The following LRCH4 variants were observed in gnomAD, a reference collection of about 807,000 sequenced individuals.
The protein encoded by LRCH4 is leucine-rich repeat and calponin homology domain-containing protein 4.
LRCH4 carries 56 observed loss-of-function variants against 81.2 expected under a neutral mutation model. The ratio of observed to expected loss-of-function variants is 0.69; its 90% CI spans 0.56 to 0.86. The LOEUF is 0.86. Ranked by LOEUF, LRCH4 falls within the 40% of genes least tolerant of loss-of-function variation. The probability of loss-of-function intolerance (pLI) is 0.00; values close to 1 mark genes in which losing one functional copy is unlikely to be tolerated. For missense variants in LRCH4, 895 were observed against 922.8 expected, an observed-to-expected ratio of 0.97 and a Z score of 0.39; for synonymous variants, 442 against 409.7, an observed-to-expected ratio of 1.08 and a Z score of -0.95.
At position 100,574,956 on chromosome 7, in the gene LRCH4, C is replaced by G. The variant is rs1206409147; in HGVS notation, c.*151G>C. On this transcript the variant is annotated 3_prime_UTR_variant, in exon 18 of 18. Coordinates refer to ENST00000310300, the MANE Select transcript of LRCH4 (RefSeq NM_002319.5). The stretch of plus-strand genomic sequence containing the variant: ...GCTGGGGGCCCAGGGTCTGGGGGCA[C>G]CAGAGTGGGGCCTCTGAGGTCAGTG... The G allele has an allele frequency of 4.0e-6, 3 of 742,228 alleles. No individual in the cohort carries two copies. The highest frequency in any genetic ancestry group is 6.5e-6 in the Non-Finnish European group (3 of 461,978). 46.0% of individuals were successfully genotyped at this position (742,228 alleles called of 1,614,324 possible).
intron 14 of LRCH4, 162 bp downstream of exon 14, chr7:100,576,532 G>A (rs1382428800): frequency 1.4e-6 from 1 of 705,242 alleles, no homozygotes; most frequent in East Asian, 2.7e-5. Flanking sequence ...CTAAAGTGCT[G>A]CGATTACAGG....
intron 15 of LRCH4, 102 bp downstream of exon 15, chr7:100,576,136 G>A: frequency 1.4e-6 from 2 of 1,478,274 alleles, no homozygotes; most frequent in African/African-American, 1.4e-5. Context: ...GGAGGTGCCA[G>A]AGTGGGCACA....
chr7:100,577,525 C>A lies in LRCH4; in HGVS notation c.1150G>T (p.Gly384Trp). 6.2e-7 allele frequency: 1 copy of A among 1,610,348 alleles called. No homozygotes were observed. Residue 384 changes from glycine (G) to tryptophan (W), a missense_variant, in exon 10 of 18, where the codon GGG becomes TGG. Gly to Trp is a radical substitution (Grantham distance 184). Coordinates refer to ENST00000310300, the MANE Select transcript of LRCH4 (RefSeq NM_002319.5). This position sits in a 1 kb window ranked among gnomAD's most constrained non-coding sequence, Gnocchi z 6.7. The stretch of plus-strand genomic sequence containing the variant: ...CTGCTTGGTGCCCTCTCCCTGTCCC[C>A]TGCCCCAGGGCTTAATTCGGGTGGT... The part of the protein sequence containing the change: ...QRPPELSPGA[G>W]DRERAPSSRR...
At position 100,575,845 on chromosome 7, in the gene LRCH4, C is replaced by T. The variant is rs773348662; in HGVS notation, c.1776+26G>A. 1 of 1,610,858 alleles carries T rather than the reference C, an allele frequency of 6.2e-7. No individual in the cohort carries two copies. The highest frequency in any genetic ancestry group is 8.5e-7 in the Non-Finnish European group (1 of 1,177,650). On this transcript the variant is annotated intron_variant, in intron 16 of 17. Coordinates refer to ENST00000310300, the MANE Select transcript of LRCH4 (RefSeq NM_002319.5). This position sits in a 1 kb window ranked among gnomAD's most constrained non-coding sequence, Gnocchi z 5.3. ...GGCCACAGGCGCCCCGGCCCATCCCCCACCTCTTCCCCAGCCCCAACTGAC... is the reference window on the plus strand; with the variant it reads ...GGCCACAGGCGCCCCGGCCCATCCCTCACCTCTTCCCCAGCCCCAACTGAC...
chr7:100,584,494 G>C (rs939831390), intron 1 of LRCH4, among the ~76,000 whole-genome samples: 1 of 151,848 alleles, frequency 6.6e-6, no homozygotes, highest in Non-Finnish European at 1.5e-5. Flanking sequence ...CACACAGGGA[G>C]AGACAGCCTA....
chr7:100,577,866 G>A lies in LRCH4; in HGVS notation c.995C>T (p.Ala332Val). The change falls in exon 8 of 18, where the codon GCC becomes GTC. Residue 332 changes from alanine to valine, a missense_variant. Physicochemically the swap from Ala to Val is moderately conservative, Grantham distance 64 (BLOSUM62 0). Coordinates refer to ENST00000310300, the MANE Select transcript of LRCH4 (RefSeq NM_002319.5). The surrounding 1 kb of genome is among the most constrained non-coding windows in gnomAD (Gnocchi z 6.7). The part of the protein sequence containing the change: ...SELSFRISEL[A>V]REPRGPRERK... ...TTCTCTGGGTCCCCGGGGCTCCCGGGCCAGCTCTGAGATCCGGAATGACAG... is the reference window on the plus strand; with the variant it reads ...TTCTCTGGGTCCCCGGGGCTCCCGGACCAGCTCTGAGATCCGGAATGACAG... The A allele has an allele frequency of 1.9e-6, 3 of 1,614,020 alleles. No individual in the cohort carries two copies. The highest frequency in any genetic ancestry group is 1.3e-5 in the African/African-American group (1 of 75,038).
rs758324776 is a variant in LRCH4, at chr7:100,585,933, G to A, written c.168C>T (p.His56=). 6 of 1,612,318 alleles carry A rather than the reference G, an allele frequency of 3.7e-6. No homozygotes were observed. Among genetic ancestry groups the A allele is most frequent in the Middle Eastern group, 3.3e-4 (2 of 6,048 alleles). Residue 56 remains histidine (H), a synonymous_variant, in exon 1 of 18, where the codon CAC becomes CAT. Transcript: ENST00000310300. ...TLNLSNRRLK[H]FPRGAARSYD... Reference sequence around the variant, plus strand: ...AGCTACGGGCCGCGCCCCGGGGGAAGTGCTTCAAGCGCCGGTTAGACAGGT... The same window carrying A: ...AGCTACGGGCCGCGCCCCGGGGGAAATGCTTCAAGCGCCGGTTAGACAGGT...
Position 100,578,480 on chromosome 7 carries a change from T to C in LRCH4, c.767A>G (p.Lys256Arg). The change falls in exon 6 of 18, where the codon AAG becomes AGG. Residue 256 changes from lysine (K) to arginine (R), a missense_variant. Coordinates refer to ENST00000310300, the MANE Select transcript of LRCH4 (RefSeq NM_002319.5). The surrounding 1 kb of genome is among the most constrained non-coding windows in gnomAD (Gnocchi z 5.7). ...VCLKGKLHIF[K>R]YLSTEAGQRG... ...CTGCCCGGCCTCTGTGGACAAATAC[T>C]TGAAGATGTGAAGTTTCCCCTTCAG... The C allele has an allele frequency of 2.5e-6, 4 of 1,614,038 alleles. No individual in the cohort carries two copies. The highest frequency in any genetic ancestry group is 3.4e-6 in the Non-Finnish European group (4 of 1,179,984).
At position 100,585,068 on chromosome 7, in the gene LRCH4, C is replaced by T. The variant is rs12668337; in HGVS notation, c.220+813G>A. The T allele has an allele frequency of 3.4e-3, 873 of 257,936 alleles. 35 individuals are homozygous for T. The East Asian group carries it at 0.094, about 28-fold the overall frequency. The allele number at this position is 257,936 out of a possible 1,614,324, so 16.0% of individuals were successfully genotyped here. A position where few individuals can be genotyped will look rare whatever the true frequency, so the allele number is the denominator to read the frequency against. ...GTTGGACAGATCCTGCGGGTGGAGG[C>T]GTGGAAGGACAGTCTCTAGCTGGCC... is the stretch of plus-strand genomic sequence containing the variant. On this transcript the variant is annotated intron_variant, in intron 1 of 17. Coordinates refer to ENST00000310300, the MANE Select transcript of LRCH4 (RefSeq NM_002319.5).
Position 100,581,826 on chromosome 7 carries a change from G to C in LRCH4, c.549C>G (p.Ser183=). 6.2e-7 allele frequency: 1 copy of C among 1,614,194 alleles called. No individual in the cohort carries two copies. Among genetic ancestry groups the C allele is most frequent in the Non-Finnish European group, 8.5e-7 (1 of 1,180,046 alleles). ...TCCTCCGGACATTGAGGTCCCGCAGGGAAGAGAGGCCACACAGTTCCGAGG... is the reference window on the plus strand; with the variant it reads ...TCCTCCGGACATTGAGGTCCCGCAGCGAAGAGAGGCCACACAGTTCCGAGG... ...SLPSELCGLS[S]LRDLNVRRNQ... The change falls in exon 4 of 18, where the codon TCC becomes TCG. Residue 183 remains serine (S), a synonymous_variant. Transcript: ENST00000310300.
intron 4 of LRCH4, 176 bp downstream of exon 4, chr7:100,581,601 C>T (rs377032056): frequency 1.7e-6 from 1 of 585,362 alleles, no homozygotes; most frequent in Non-Finnish European, 3.0e-6. Flanking sequence ...GGAAAAGCAC[C>T]CTGCCAGAAG....
In LRCH4 at chr7:100,578,087, T is replaced by C. The variant is rs188751820; in HGVS notation, c.948+72A>G. On this transcript the variant is annotated intron_variant, in intron 7 of 17. Coordinates refer to ENST00000310300, the MANE Select transcript of LRCH4 (RefSeq NM_002319.5). The surrounding 1 kb of genome is among the most constrained non-coding windows in gnomAD (Gnocchi z 5.7). The stretch of plus-strand genomic sequence containing the variant: ...AGCCTCTGCCTGGCACCCTGCAATT[T>C]GGAGGTCCCCAGTTCAGAGGTGCTC... The C allele has an allele frequency of 3.6e-5, 53 of 1,485,768 alleles. No individual in the cohort carries two copies. Among genetic ancestry groups the C allele is most frequent in the Non-Finnish European group, 4.9e-5 (52 of 1,067,006 alleles). The allele number at this position is 1,485,768 out of a possible 1,614,324, so 92.0% of individuals were successfully genotyped here.
intron 13 of LRCH4, 39 bp from the exon 14 acceptor site, chr7:100,576,816 G>A (rs902332677): frequency 1.9e-6 from 3 of 1,547,184 alleles, no homozygotes; most frequent in Non-Finnish European, 2.6e-6. Flanking sequence ...AGGGGCAGGT[G>A]AGACAGGCAT....
chr7:100,581,911 C>T, intron 3 of LRCH4, 29 bp from the exon 4 acceptor site: 1 of 1,612,360 alleles, frequency 6.2e-7, no homozygotes. Flanking sequence ...TGGGAAGGGG[C>T]CATGAGACCA....
intron 1 of LRCH4, chr7:100,584,566 C>T (rs1801663161): frequency 5.1e-6 from 2 of 388,592 alleles, no homozygotes; most frequent in African/African-American, 4.4e-5. Flanking sequence ...GGGAAGGGAA[C>T]AGACAGTGAG....
intron 4 of LRCH4, 77 bp downstream of exon 4, chr7:100,581,700 G>T: frequency 8.2e-7 from 1 of 1,220,944 alleles, no homozygotes; most frequent in Non-Finnish European, 1.2e-6. Flanking sequence ...CCGGTCTGCA[G>T]TGTTTTCGTT....
rs1801394546 is a variant in LRCH4 at position 100,577,276 on chromosome 7, T to A, written c.1292A>T (p.Asp431Val). Reference protein sequence around the residue: ...QSGAWGAPRKDSLLKPGLRAV... With the variant: ...QSGAWGAPRKVSLLKPGLRAV... Reference sequence around the variant, plus strand: ...CCCGGGCGGCCCTGGGTCCCACCTATCCTTCCTCGGGGCCCCCCACGCCCC... The same window carrying A: ...CCCGGGCGGCCCTGGGTCCCACCTAACCTTCCTCGGGGCCCCCCACGCCCC... The change falls in exon 11 of 18, where the codon GAT becomes GTT. Residue 431 changes from aspartate to valine, a missense_variant. Asp to Val is a radical substitution (Grantham distance 152, BLOSUM62 -3). Coordinates refer to ENST00000310300, the MANE Select transcript of LRCH4 (RefSeq NM_002319.5). The surrounding 1 kb of genome is among the most constrained non-coding windows in gnomAD (Gnocchi z 6.7). The A allele has an allele frequency of 6.2e-7, 1 of 1,600,988 alleles. No homozygotes were observed. Among genetic ancestry groups the A allele is most frequent in the Non-Finnish European group, 8.5e-7 (1 of 1,178,810 alleles).
rs767815300 is a variant in LRCH4, at chr7:100,585,913, C to A, written c.188G>T (p.Arg63Leu). 24 of 1,611,034 alleles carry A rather than the reference C, an allele frequency of 1.5e-5. No individual in the cohort carries two copies. The highest frequency in any genetic ancestry group is 2.0e-5 in the Non-Finnish European group (23 of 1,178,540). Reference protein sequence around the residue: ...RLKHFPRGAARSYDLSDITQA... With the variant: ...RLKHFPRGAALSYDLSDITQA... ...GGTGATGTCTGACAGGTCGTAGCTA[C>A]GGGCCGCGCCCCGGGGGAAGTGCTT... is the stretch of plus-strand genomic sequence containing the variant. Residue 63 changes from arginine (R) to leucine (L), a missense_variant, in exon 1 of 18, where the codon CGT (arginine) becomes CTT (leucine). Around this residue, in one of 3 missense-constraint regions of LRCH4, gnomAD observed 360 missense variants for 397.0 expected, o/e 0.91. Transcript: ENST00000310300.
In LRCH4 at chr7:100,582,279, A is replaced by G; in HGVS notation, c.365+36T>C. 6.2e-7 allele frequency: 1 copy of G among 1,613,952 alleles called. No homozygotes were observed. The highest frequency in any genetic ancestry group is 8.5e-7 in the Non-Finnish European group (1 of 1,179,988). ...TCAGTAGTACTTGAGACTGAGAAGC[A>G]CACGCTCCCACGTGGCCCTGGCTCG... On this transcript the variant is annotated intron_variant, in intron 2 of 17. Coordinates refer to ENST00000310300, the MANE Select transcript of LRCH4 (RefSeq NM_002319.5). The surrounding 1 kb of genome is among the most constrained non-coding windows in gnomAD (Gnocchi z 5.0).
Sources: allele counts gnomAD v4.1 joint callset (sites outside exome capture counted in the v4.1 genomes callset), GRCh38; gene constraint gnomAD v4.1.1; regional missense constraint gnomAD v4.1.1; non-coding constraint Gnocchi (gnomAD v3.1); transcripts MANE v1.5; gene names NCBI Gene and HGNC (gene_info 2026-07-23, HGNC 2026-07-21).